The following DPP6 variants were observed in gnomAD, a reference collection of about 807,000 sequenced individuals.
The protein encoded by DPP6 is A-type potassium channel modulatory protein DPP6.
Under a neutral mutation model 122.6 loss-of-function variants are expected in DPP6, and 69 were observed. The observed-to-expected ratio is 0.56, with a 90% CI of 0.46 to 0.69. The LOEUF (loss-of-function observed/expected upper bound fraction) is 0.69. Ranked by LOEUF, DPP6 falls within the 30% of genes least tolerant of loss-of-function variation. The pLI is 0.00. For missense variants in DPP6, 928 were observed against 1,116.9 expected (o/e 0.83, Z 2.41); for synonymous variants, 418 against 433.1 (o/e 0.97, Z 0.43).
At chr7:154,432,055 C>T (rs6979626) in intron 1 of DPP6, among the ~76,000 whole-genome samples, 48,241 of 151,946 alleles carry the variant, frequency 0.32, 9,682 homozygotes, top group East Asian at 0.74. Context: ...ATGGGGGTAA[C>T]GGTAAGGAGG....
At chr7:154,630,637 A>T (rs990305723) in intron 5 of DPP6, among the ~76,000 whole-genome samples, 5 of 152,186 alleles carry the variant, frequency 3.3e-5, no homozygotes, top group African/African-American at 1.2e-4. Flanking sequence ...CTTTGCAGGG[A>T]CATGGATGAA....
At chr7:154,213,722 A>G (rs536660753) in intron 1 of DPP6, among the ~76,000 whole-genome samples, 89 of 152,002 alleles carry the variant, frequency 5.9e-4, no homozygotes, top group Admixed American at 1.6e-3. Context: ...ACTGATCCCC[A>G]CAGCCTCCCC....
chr7:153,875,832 T>C, the DPP6 span, among the ~76,000 whole-genome samples: 1 of 151,360 alleles, frequency 6.6e-6, no homozygotes, highest in Non-Finnish European at 1.5e-5. Context: ...TGCAAATGGA[T>C]TGAATACTCA....
At chr7:154,047,088 A>C (rs1383030001) in intron 1 of DPP6, among the ~76,000 whole-genome samples, 2 of 151,160 alleles carry the variant, frequency 1.3e-5, no homozygotes, top group African/African-American at 4.9e-5. Flanking sequence ...TCAAAGCCTG[A>C]GAATGCCTCT....
At chr7:154,001,666 C>T (rs1477945563) in intron 1 of DPP6, among the ~76,000 whole-genome samples, 1 of 151,950 alleles carries the variant, frequency 6.6e-6, no homozygotes, top group African/African-American at 2.4e-5. Flanking sequence ...GCCTTTACCT[C>T]TTCTAAATAA....
the DPP6 span, among the ~76,000 whole-genome samples, chr7:153,804,995 G>A: frequency 6.6e-6 from 1 of 152,168 alleles, no homozygotes; most frequent in African/African-American, 2.4e-5. Flanking sequence ...GTGTTGAAAT[G>A]TGATTCAGAA....
intron 10 of DPP6, among the ~76,000 whole-genome samples, chr7:154,783,619 G>A (rs570986961): frequency 6.6e-6 from 1 of 152,314 alleles, no homozygotes; most frequent in African/African-American, 2.4e-5. Context: ...TTGACGTTGA[G>A]TGTTCTGGCA....
At chr7:154,386,752 G>T (rs577135403) in intron 1 of DPP6, among the ~76,000 whole-genome samples, 1 of 152,310 alleles carries the variant, frequency 6.6e-6, no homozygotes, top group Admixed American at 6.5e-5. Context: ...AAGCTGAGGA[G>T]AACAAAAGTA....
intron 19 of DPP6, among the ~76,000 whole-genome samples, chr7:154,874,251 G>C (rs1804665353): frequency 6.6e-6 from 1 of 152,190 alleles, no homozygotes; most frequent in Non-Finnish European, 1.5e-5. Flanking sequence ...CTGCACACTG[G>C]TTTCTTCAGT....
At chr7:154,051,402 A>G (rs1181163104), upstream of DPP6, among the ~76,000 whole-genome samples, 3 of 150,040 alleles carry the variant, frequency 2.0e-5, no homozygotes, top group East Asian at 6.0e-4. Context: ...CAACTCCAGA[A>G]GGACGGAGAG....
At chr7:154,274,504 C>G (rs4129923) in intron 1 of DPP6, among the ~76,000 whole-genome samples, 37,303 of 152,136 alleles carry the variant, frequency 0.25, 5,254 homozygotes, top group Non-Finnish European at 0.32. Flanking sequence ...CACGCTAACA[C>G]GCTGACGAGG....
At chr7:154,858,149 A>G (rs1802995180) in intron 17 of DPP6, 1 of 152,256 alleles carries the variant, frequency 6.6e-6, no homozygotes, top group Non-Finnish European at 1.5e-5. Flanking sequence ...CCCAACCAGC[A>G]TTTATCAGCA....
chr7:154,663,258 G>C (rs1249242493), intron 6 of DPP6, among the ~76,000 whole-genome samples: 2 of 63,018 alleles, frequency 3.2e-5, no homozygotes, highest in African/African-American at 7.5e-5. Context: ...ATGGCGTATT[G>C]GCCGTAGTGT....
the DPP6 span, among the ~76,000 whole-genome samples, chr7:153,872,868 T>C: frequency 4.4e-4 from 67 of 152,350 alleles, no homozygotes; most frequent in African/African-American, 1.6e-3. Flanking sequence ...CATATACCTA[T>C]GTATAGAATA....
intron 5 of DPP6, among the ~76,000 whole-genome samples, chr7:154,612,972 T>G (rs1399710731): frequency 1.3e-5 from 2 of 152,196 alleles, no homozygotes; most frequent in African/African-American, 2.4e-5. Flanking sequence ...CATGGTCCAT[T>G]TCTGGTGAGG....
chr7:154,437,883 G>A (rs569822460), intron 1 of DPP6, among the ~76,000 whole-genome samples: 1 of 152,248 alleles, frequency 6.6e-6, no homozygotes, highest in South Asian at 2.1e-4. Context: ...ATTGTAGTGA[G>A]CCAAGATCAC....
intron 1 of DPP6, among the ~76,000 whole-genome samples, chr7:154,373,071 C>T (rs1812813634): frequency 7.2e-5 from 11 of 152,182 alleles, no homozygotes; most frequent in Admixed American, 7.2e-4. Flanking sequence ...CCATCCGCTT[C>T]CTCTCTCGTT....
At chr7:154,363,857 C>T (rs2151103173) in intron 1 of DPP6, among the ~76,000 whole-genome samples, 1 of 152,180 alleles carries the variant, frequency 6.6e-6, no homozygotes, top group South Asian at 2.1e-4. Context: ...AAACTGTAGC[C>T]ATCTGTGTCT....
At chr7:154,242,844 C>T (rs746674078) in intron 1 of DPP6, among the ~76,000 whole-genome samples, 2 of 152,216 alleles carry the variant, frequency 1.3e-5, no homozygotes, top group Non-Finnish European at 2.9e-5. Context: ...AGGCAGTACA[C>T]AGGGCCTAGC....
Sources: gnomAD v4.1 joint callset for allele counts (sites outside exome capture counted in the v4.1 genomes callset) on GRCh38, gnomAD v4.1.1 for gene constraint, MANE v1.5 for transcripts, NCBI Gene and HGNC (gene_info 2026-07-23, HGNC 2026-07-21) for gene names.